Variants in SH3BP2 observed in about 807,000 individuals in gnomAD.
SH3BP2 encodes the protein SH3 domain-binding protein 2.
SH3BP2 carries 38 observed loss-of-function variants against 56.2 expected under a neutral mutation model. The observed-to-expected ratio is 0.68, with a 90% CI of 0.52 to 0.89. SH3BP2 has a LOEUF of 0.89. Ranked by LOEUF, SH3BP2 falls within the 40% of genes least tolerant of loss-of-function variation. The pLI, the probability that SH3BP2 is intolerant of heterozygous loss-of-function variation, is 0.00. For missense variants in SH3BP2, 748 were observed against 762.6 expected (o/e 0.98, Z 0.23); for synonymous variants, 346 against 316.7 (o/e 1.09, Z -0.98).
At chr4:2,830,634 A>T (rs766128941) in intron 8 of SH3BP2, among the ~76,000 whole-genome samples, 32 of 152,294 alleles carry the variant, frequency 2.1e-4, no homozygotes, top group Admixed American at 1.1e-3. Context: ...AAGTGTAGAG[A>T]TTACGGGCGT....
chr4:2,813,454 G>A (rs1723852554), intron 1 of SH3BP2, among the ~76,000 whole-genome samples: 1 of 152,234 alleles, frequency 6.6e-6, no homozygotes, highest in Non-Finnish European at 1.5e-5. Context: ...CTCGGCACAA[G>A]GCCTGATCCT....
chr4:2,794,564 C>T (rs111724813), intron 1 of SH3BP2, among the ~76,000 whole-genome samples: 7 of 152,290 alleles, frequency 4.6e-5, no homozygotes, highest in African/African-American at 1.4e-4. Context: ...CTGTGCCCTG[C>T]GTTAGGCACA....
chr4:2,833,823 G>C lies in SH3BP2; in HGVS notation c.1675G>C (p.Gly559Arg). 6.4e-7 allele frequency: 1 copy of C among 1,574,004 alleles called. No individual in the cohort carries two copies. Among genetic ancestry groups the C allele is most frequent in the Non-Finnish European group, 8.6e-7 (1 of 1,160,518 alleles). Residue 559 changes from glycine (G) to arginine (R), a missense_variant, in exon 13 of 13, where the codon GGG becomes CGG. Around this residue, in one of 3 missense-constraint regions of SH3BP2, gnomAD observed 635 missense variants for 615.0 expected, o/e 1.03. Transcript: ENST00000503393. Reference sequence around the variant, plus strand: ...GCTGCGGCACCCCTACGGCTACACTGGGCCTAGGTGATGGCAGTCCATGTG... The same window carrying C: ...GCTGCGGCACCCCTACGGCTACACTCGGCCTAGGTGATGGCAGTCCATGTG... ...LLLRHPYGYT[G>R]PR
chr4:2,827,026 T>C (rs753581188), intron 5 of SH3BP2: 2 of 685,886 alleles, frequency 2.9e-6, no homozygotes, highest in South Asian at 3.0e-5. Context: ...CATGTGTGCA[T>C]GTGTGTGTCT....
chr4:2,801,833 C>T (rs972517725), intron 1 of SH3BP2, among the ~76,000 whole-genome samples: 3 of 152,244 alleles, frequency 2.0e-5, no homozygotes, highest in Non-Finnish European at 2.9e-5. Flanking sequence ...ATTAGCCAGG[C>T]GTGGTGGCTC....
chr4:2,825,256 C>T (rs1724541124), intron 5 of SH3BP2, 60 bp downstream of exon 5: 4 of 1,374,438 alleles, frequency 2.9e-6, no homozygotes, highest in Non-Finnish European at 4.1e-6. Flanking sequence ...TGGGCCTGAC[C>T]CGGGTGTCCG....
At chr4:2,812,274 C>G (rs577122937) in intron 1 of SH3BP2, 12 of 1,539,686 alleles carry the variant, frequency 7.8e-6, no homozygotes, top group Non-Finnish European at 7.9e-6. Context: ...GAGGAAGCAC[C>G]GGCGGCCACA....
chr4:2,823,523 C>G (rs1724426102), intron 3 of SH3BP2: 1 of 456,516 alleles, frequency 2.2e-6, no homozygotes, highest in East Asian at 6.9e-5. Context: ...TGGGCTCTAT[C>G]CAGTGATGGG....
chr4:2,831,968 G>A lies in SH3BP2; in HGVS notation c.1396G>A (p.Glu466Lys), dbSNP rs946632787. Residue 466 changes from glutamate to lysine, a missense_variant, in exon 10 of 13, where the codon GAA becomes AAA. Glu to Lys is a moderately conservative substitution (Grantham distance 56). This residue lies in a region of SH3BP2 where 635 missense variants were observed against 615.0 expected (regional missense o/e 1.03). Coordinates refer to ENST00000503393, the MANE Select transcript of SH3BP2 (RefSeq NM_001122681.2). This position sits in a 1 kb window ranked among gnomAD's most constrained non-coding sequence, Gnocchi z 4.1. ...SVFVNTTESC[E>K]VERLFKATSP... is the part of the protein sequence containing the mutation. Reference sequence around the variant, plus strand: ...CTTCGTCAACACCACGGAGTCCTGCGAAGTGGAAAGGTCAGCACAAAGCCC... The same window carrying A: ...CTTCGTCAACACCACGGAGTCCTGCAAAGTGGAAAGGTCAGCACAAAGCCC... 34 of 1,613,038 alleles carry A rather than the reference G, an allele frequency of 2.1e-5. No homozygotes were observed. Among genetic ancestry groups the A allele is most frequent in the Middle Eastern group, 1.6e-4 (1 of 6,062 alleles).
chr4:2,827,773 G>T, intron 7 of SH3BP2, 99 bp downstream of exon 7: 1 of 1,029,668 alleles, frequency 9.7e-7, no homozygotes, highest in Non-Finnish European at 1.5e-6. Context: ...GCTGGCCCAG[G>T]TACCGCTCTG....
chr4:2,819,379 CCTGA>C (rs1352026411), intron 1 of SH3BP2, among the ~76,000 whole-genome samples: 1 of 150,724 alleles, frequency 6.6e-6, no homozygotes, highest in Non-Finnish European at 1.5e-5. Context: ...CCCCACCATG[CCTGA>C]CTAATTAAAA....
At chr4:2,801,572 C>T (rs190734380) in intron 1 of SH3BP2, among the ~76,000 whole-genome samples, 375 of 152,308 alleles carry the variant, frequency 2.5e-3, no homozygotes, top group Middle Eastern at 0.01. Context: ...CCGATGCCTG[C>T]TGCAGCCCCA....
chr4:2,803,598 G>T (rs1297505659), intron 1 of SH3BP2, among the ~76,000 whole-genome samples: 2 of 152,196 alleles, frequency 1.3e-5, no homozygotes, highest in East Asian at 3.8e-4. Context: ...ATGGTGCCCA[G>T]GAGCTCATCC....
chr4:2,811,156 C>T (rs1560099847), intron 1 of SH3BP2, among the ~76,000 whole-genome samples: 1 of 152,240 alleles, frequency 6.6e-6, no homozygotes, highest in African/African-American at 2.4e-5. Context: ...GCTGCAGACA[C>T]AGCTGGGGAG....
chr4:2,794,066 C>G (rs1335610426), intron 1 of SH3BP2: 2 of 152,372 alleles, frequency 1.3e-5, no homozygotes, highest in Non-Finnish European at 2.9e-5. Flanking sequence ...AGTGGCCACA[C>G]TTAAGTCCTT....
intron 1 of SH3BP2, among the ~76,000 whole-genome samples, chr4:2,807,727 T>C (rs1723589247): frequency 6.6e-6 from 1 of 151,958 alleles, no homozygotes; most frequent in East Asian, 1.9e-4. Flanking sequence ...TGCGCCGTGG[T>C]GAATGTGGCC....
At chr4:2,812,789 C>G (rs531648590) in intron 1 of SH3BP2, among the ~76,000 whole-genome samples, 1 of 152,298 alleles carries the variant, frequency 6.6e-6, no homozygotes, top group South Asian at 2.1e-4. Flanking sequence ...GGGTGGGGCC[C>G]AGGTCCGGGA....
chr4:2,829,448 G>A lies in SH3BP2; in HGVS notation c.587-45G>A, dbSNP rs1482208834. On this transcript the variant is annotated intron_variant, in intron 7 of 12. Coordinates refer to ENST00000503393, the MANE Select transcript of SH3BP2 (RefSeq NM_001122681.2). The surrounding 1 kb of genome is among the most constrained non-coding windows in gnomAD (Gnocchi z 4.9). ...CCACTGCCAGCAGAGGATAGTGTTG[G>A]CCCAGTCTCTGTCAGGGTCCAACCC... The A allele has an allele frequency of 2.5e-6, 4 of 1,605,218 alleles. No individual in the cohort carries two copies. The highest frequency in any genetic ancestry group is 1.3e-5 in the African/African-American group (1 of 74,670).
chr4:2,805,672 CG>C (rs1723505473), intron 1 of SH3BP2, among the ~76,000 whole-genome samples: 1 of 152,008 alleles, frequency 6.6e-6, no homozygotes, highest in Non-Finnish European at 1.5e-5. Context: ...GCCACAGCGT[CG>C]GGGGGTGCCG....
Sources: allele counts gnomAD v4.1 joint callset (sites outside exome capture counted in the v4.1 genomes callset), GRCh38; gene constraint gnomAD v4.1.1; regional missense constraint gnomAD v4.1.1; non-coding constraint Gnocchi (gnomAD v3.1); transcripts MANE v1.5; gene names NCBI Gene and HGNC (gene_info 2026-07-23, HGNC 2026-07-21).